The following GPR89B variants were observed in gnomAD, a reference collection of about 807,000 sequenced individuals.
GPR89B encodes the protein G protein-coupled receptor 89B.
A neutral mutation model predicts 52.4 loss-of-function variants in GPR89B; 25 were observed. The observed-to-expected ratio is 0.48, with a 90% CI of 0.35 to 0.67. The LOEUF (loss-of-function observed/expected upper bound fraction) is 0.67, where lower values mean the gene tolerates loss of function less well. GPR89B is among the 30% of genes least tolerant of loss of function. The pLI, the probability that GPR89B is intolerant of heterozygous loss-of-function variation, is 0.01. For missense variants in GPR89B, 146 were observed against 450.2 expected (o/e 0.32, Z 6.11); for synonymous variants, 52 against 151.2 (o/e 0.34, Z 4.81).
intron 5 of GPR89B, among the ~76,000 whole-genome samples, chr1:147,949,915 G>A (rs1240235652): frequency 5.1e-5 from 7 of 136,914 alleles, no homozygotes; most frequent in Non-Finnish European, 7.9e-5. Context: ...GCGGCTGGCC[G>A]GGCGGGGGGC....
intron 1 of GPR89B, among the ~76,000 whole-genome samples, chr1:147,936,043 A>T (rs1279422889): frequency 6.6e-6 from 1 of 152,142 alleles, no homozygotes; most frequent in Non-Finnish European, 1.5e-5. Flanking sequence ...TTCGAGACCT[A>T]GTCTCACTCT....
Position 147,977,233 on chromosome 1 carries a change from CAAAAAAAAAAAA to C in GPR89B, c.909+7292_909+7303del, listed in dbSNP as rs1191631857. Reference sequence around the variant, plus strand: ...TGGGTGACAGAGCAAGACTCCATCTCAAAAAAAAAAAAAAAAAAAAAAAAAAAAACAGAATGT... The same window carrying C: ...TGGGTGACAGAGCAAGACTCCATCTCAAAAAAAAAAAAAAAAACAGAATGT... On this transcript the variant is annotated intron_variant, in intron 10 of 13. Coordinates refer to ENST00000314163, the MANE Select transcript of GPR89B (RefSeq NM_016334.5). Among the ~76,000 whole-genome samples the C allele has an allele frequency of 8.3e-3, 344 of 41,360 alleles. 1 individual carries two copies. Among genetic ancestry groups the C allele is most frequent in the Middle Eastern group, 0.033 (2 of 60 alleles). The allele number at this position is 41,360 out of a possible 152,430, so 27.1% of individuals were successfully genotyped here. A position where few individuals can be genotyped will look rare whatever the true frequency, so the allele number is the denominator to read the frequency against.
intron 9 of GPR89B, chr1:147,969,240 T>A (rs1657247179): frequency 2.3e-6 from 1 of 429,212 alleles, no homozygotes; most frequent in Admixed American, 4.0e-5. Flanking sequence ...CACCTCCTAC[T>A]AACCTGGGAT....
At chr1:147,997,805 G>A (rs1659352344), downstream of GPR89B, among the ~76,000 whole-genome samples, 1 of 152,122 alleles carries the variant, frequency 6.6e-6, no homozygotes, top group Admixed American at 6.5e-5. Flanking sequence ...ATTGGTGAGA[G>A]GGTGACAGCT....
chr1:148,023,870 T>C, the GPR89B span, among the ~76,000 whole-genome samples: 1 of 149,870 alleles, frequency 6.7e-6, no homozygotes, highest in Non-Finnish European at 1.5e-5. Flanking sequence ...GTGAACATTT[T>C]CTCCCATTCT....
chr1:147,961,486 C>T (rs1656562515), intron 7 of GPR89B, among the ~76,000 whole-genome samples: 1 of 152,202 alleles, frequency 6.6e-6, no homozygotes, highest in Non-Finnish European at 1.5e-5. Context: ...TATTCAACAA[C>T]ATTGTAGAAT....
intron 5 of GPR89B, among the ~76,000 whole-genome samples, chr1:147,951,483 C>G (rs1457465899): frequency 2.6e-5 from 4 of 151,944 alleles, no homozygotes; most frequent in South Asian, 2.1e-4. Context: ...AGAAGCCTGT[C>G]TATTAAGGAG....
the GPR89B span, among the ~76,000 whole-genome samples, chr1:148,019,144 T>C: frequency 6.6e-6 from 1 of 150,556 alleles, no homozygotes; most frequent in Non-Finnish European, 1.5e-5. Flanking sequence ...GCCCAGCTAA[T>C]TTTTGTATTT....
At chr1:147,937,121 C>T (rs587616041) in intron 2 of GPR89B, among the ~76,000 whole-genome samples, 11 of 151,958 alleles carry the variant, frequency 7.2e-5, no homozygotes, top group South Asian at 4.2e-4. Flanking sequence ...CCTTAAGTGT[C>T]GGCCGGTCTG....
chr1:147,932,012 C>T (rs1553247105), intron 1 of GPR89B, among the ~76,000 whole-genome samples: 2 of 152,082 alleles, frequency 1.3e-5, no homozygotes, highest in East Asian at 1.9e-4. Flanking sequence ...TCTTCCATTC[C>T]CCTCCCCACC....
At chr1:148,011,778 G>A in the GPR89B span, 1 of 152,222 alleles carries the variant, frequency 6.6e-6, no homozygotes, top group Non-Finnish European at 1.5e-5. Flanking sequence ...CCCTGTTATT[G>A]TGTGTCAATA....
chr1:147,937,944 C>T (rs1654236850), intron 2 of GPR89B, among the ~76,000 whole-genome samples: 1 of 152,088 alleles, frequency 6.6e-6, no homozygotes. Flanking sequence ...TAATAAATGT[C>T]CATGAAATCT....
chr1:148,012,621 G>A, the GPR89B span, among the ~76,000 whole-genome samples: 36 of 151,834 alleles, frequency 2.4e-4, no homozygotes, highest in Admixed American at 7.9e-4. Context: ...CACTCTTGTC[G>A]CCAGCACTGT....
chr1:148,023,695 A>G, the GPR89B span, among the ~76,000 whole-genome samples: 1 of 146,658 alleles, frequency 6.8e-6, no homozygotes, highest in Non-Finnish European at 1.5e-5. Flanking sequence ...ATTAGTGATG[A>G]TGAGCATTTA....
downstream of GPR89B, among the ~76,000 whole-genome samples, chr1:147,997,986 A>G (rs1381722200): frequency 6.6e-6 from 1 of 152,184 alleles, no homozygotes; most frequent in African/African-American, 2.4e-5. Flanking sequence ...AATACTCCTA[A>G]TTCATATCAA....
intron 3 of GPR89B, among the ~76,000 whole-genome samples, chr1:147,943,008 GGT>G (rs1482605797): frequency 9.7e-6 from 1 of 102,640 alleles, no homozygotes; most frequent in Non-Finnish European, 2.0e-5. Flanking sequence ...ATGCAAATCA[GGT>G]GTTTATATCA....
chr1:147,976,230 CTG>C (rs1228387425), intron 10 of GPR89B, among the ~76,000 whole-genome samples: 1 of 151,452 alleles, frequency 6.6e-6, no homozygotes, highest in Non-Finnish European at 1.5e-5. Context: ...TCTCAATGAT[CTG>C]TGTAACATTG....
rs1262460423 is a variant in GPR89B, at chr1:147,942,047, T to A, written c.207-1391T>A. 7.9e-5 allele frequency among the ~76,000 whole-genome samples: 12 copies of A among 151,514 alleles called. No homozygotes were observed. The East Asian group carries it at 2.3e-3, about 29-fold the overall frequency. Reference sequence around the variant, plus strand: ...AACATTCCAAAAACAAGAGAAAATTTTTATAAATTACCTATCTGATAATGG... The same window carrying A: ...AACATTCCAAAAACAAGAGAAAATTATTATAAATTACCTATCTGATAATGG... On this transcript the variant is annotated intron_variant, in intron 3 of 13. Coordinates refer to ENST00000314163, the MANE Select transcript of GPR89B (RefSeq NM_016334.5).
At chr1:147,938,216 T>C (rs1166866903) in intron 2 of GPR89B, among the ~76,000 whole-genome samples, 5 of 152,202 alleles carry the variant, frequency 3.3e-5, no homozygotes, top group Non-Finnish European at 5.9e-5. Flanking sequence ...TCAGTTGTTA[T>C]AGTCTACATT....
Sources: allele counts gnomAD v4.1 joint callset (sites outside exome capture counted in the v4.1 genomes callset), GRCh38; gene constraint gnomAD v4.1.1; transcripts MANE v1.5; gene names NCBI Gene and HGNC (gene_info 2026-07-23, HGNC 2026-07-21).